The following GCNT2 variants were observed in gnomAD, a reference collection of about 807,000 sequenced individuals.
GCNT2 encodes N-acetyllactosaminide beta-1,6-N-acetylglucosaminyl-transferase.
GCNT2 carries 34 observed loss-of-function variants against 34.2 expected under a neutral mutation model. The observed-to-expected ratio is 1.00, with a 90% CI of 0.76 to 1.32. The LOEUF (loss-of-function observed/expected upper bound fraction) is 1.32, where lower values mean the gene tolerates loss of function less well. GCNT2 is among the 40% of genes most tolerant of loss of function. GCNT2 has a pLI of 0.00. For synonymous variants in GCNT2, 212 were observed against 188.0 expected (o/e 1.13, Z -1.04); for missense variants, 584 against 489.4 (o/e 1.19, Z -1.82).
chr6:10,542,254 T>C (rs556848541), intron 3 of GCNT2, among the ~76,000 whole-genome samples: 1 of 152,344 alleles, frequency 6.6e-6, no homozygotes, highest in South Asian at 2.1e-4. Flanking sequence ...AAAGATTTTC[T>C]AGAAGGCTTG....
rs1765287247 is a variant in GCNT2, at chr6:10,605,863, C to G, written c.926-15488C>G. Among the ~76,000 whole-genome samples, 4 of 152,224 alleles carry G rather than the reference C, an allele frequency of 2.6e-5. No homozygotes were observed. In the South Asian group the frequency reaches 8.3e-4, roughly 32 times the overall value. ...TTTTTTTGTGATTCTTTGAGTTCTT[C>G]TGATCAAGGCCAGCTCCACTAGGGC... On this transcript the variant is annotated intron_variant, in intron 3 of 4. Transcript: ENST00000495262.
intron 3 of GCNT2, among the ~76,000 whole-genome samples, chr6:10,564,418 C>G (rs1763186667): frequency 6.6e-6 from 1 of 152,206 alleles, no homozygotes; most frequent in Non-Finnish European, 1.5e-5. Context: ...CCTTAGCTCT[C>G]CCTACCCTCA....
At chr6:10,598,707 AG>A (rs1764961280) in intron 3 of GCNT2, among the ~76,000 whole-genome samples, 1 of 152,158 alleles carries the variant, frequency 6.6e-6, no homozygotes, top group African/African-American at 2.4e-5. Context: ...CGATGTGCCC[AG>A]GGACGCTGAG....
rs1299019655 is a variant in GCNT2, at chr6:10,523,994, C to A, written c.-469+2577C>A. Among the ~76,000 whole-genome samples, 24 of 105,170 alleles carry A rather than the reference C, an allele frequency of 2.3e-4. No homozygotes were observed. In the East Asian group the frequency reaches 2.3e-3, roughly 10 times the overall value. 69.0% of individuals were successfully genotyped at this position (105,170 alleles called of 152,430 possible). On this transcript the variant is annotated intron_variant, in intron 1 of 4. Coordinates refer to ENST00000495262, the MANE Select transcript of GCNT2 (RefSeq NM_145649.5). ...TCTCAAAAAAAAAAAAAAAAAAAAA[C>A]CAAGACTAAGAGGTGTGGTGATCTG...
chr6:10,586,380 A>C (rs1165090293), intron 3 of GCNT2: 2 of 1,614,066 alleles, frequency 1.2e-6, no homozygotes, highest in Non-Finnish European at 1.7e-6. Flanking sequence ...CGTGGATGAG[A>C]AAGCCCCAGC....
rs398000435 is a variant in GCNT2, at chr6:10,531,894, T to TTTA, written c.925+2058_925+2059insTTA. On this transcript the variant is annotated intron_variant, in intron 3 of 4. Transcript: ENST00000495262. Reference sequence around the variant, plus strand: ...CCCCACTTTTTTTTTTTTTTTTTTTTAGAGAAGACCAAGACAAAGAAAAAG... The same window carrying TTTA: ...CCCCACTTTTTTTTTTTTTTTTTTTTTTAAGAGAAGACCAAGACAAAGAAAAAG... Among the ~76,000 whole-genome samples, 4 of 150,084 alleles carry TTTA rather than the reference T, an allele frequency of 2.7e-5. No individual in the cohort carries two copies. The East Asian group carries it at 5.8e-4, about 22-fold the overall frequency.
chr6:10,585,078 TGC>T (rs61114451), intron 3 of GCNT2, among the ~76,000 whole-genome samples: 1,905 of 87,308 alleles, frequency 0.022, 19 homozygotes, highest in South Asian at 0.042. Context: ...TGTGTGTGTG[TGC>T]GCGCTATATT....
At chr6:10,614,349 G>A (rs1424995115) in intron 3 of GCNT2, among the ~76,000 whole-genome samples, 10 of 152,224 alleles carry the variant, frequency 6.6e-5, no homozygotes, top group South Asian at 2.1e-4. Flanking sequence ...AGAAGAGGCC[G>A]GGCACAGTGG....
rs664949 is a variant in GCNT2 at position 10,547,389 on chromosome 6, T to C, written c.925+17553T>C. ...TGATCAAGAATCTTAAGCTAAACTT[T>C]GGCCATCATATCTCTTTAGTCCCCT... On this transcript the variant is annotated intron_variant, in intron 3 of 4. Coordinates refer to ENST00000495262, the MANE Select transcript of GCNT2 (RefSeq NM_145649.5). 5.2e-3 allele frequency among the ~76,000 whole-genome samples: 796 copies of C among 152,336 alleles called. 6 individuals carry two copies. Among genetic ancestry groups the C allele is most frequent in the African/African-American group, 0.018 (768 of 41,580 alleles).
chr6:10,524,033 C>T (rs1005501986), intron 1 of GCNT2, among the ~76,000 whole-genome samples: 2 of 150,416 alleles, frequency 1.3e-5, no homozygotes, highest in African/African-American at 4.9e-5. Flanking sequence ...AGGAAGGAAG[C>T]CACAGTTGGG....
chr6:10,599,555 GC>G (rs1339204823), intron 3 of GCNT2, among the ~76,000 whole-genome samples: 1 of 152,142 alleles, frequency 6.6e-6, no homozygotes, highest in African/African-American at 2.4e-5. Context: ...TAGACATGAG[GC>G]CATGTACCTT....
chr6:10,551,743 A>AT (rs995321865), intron 3 of GCNT2, among the ~76,000 whole-genome samples: 21 of 144,048 alleles, frequency 1.5e-4, no homozygotes, highest in East Asian at 8.4e-4. Flanking sequence ...GCGCCTGGCT[A>AT]TTTTTTTTTA....
chr6:10,597,080 A>G (rs967777894), intron 3 of GCNT2, among the ~76,000 whole-genome samples: 2 of 151,616 alleles, frequency 1.3e-5, no homozygotes, highest in South Asian at 2.1e-4. Context: ...ACTGAGCCTC[A>G]GTTAATTTTG....
chr6:10,571,337 A>G (rs1347362496), intron 3 of GCNT2, among the ~76,000 whole-genome samples: 1 of 148,694 alleles, frequency 6.7e-6, no homozygotes, highest in East Asian at 1.9e-4. Context: ...GATGATGATC[A>G]TGATAATTAT....
In GCNT2 at chr6:10,556,559, C is replaced by G. The variant is rs1477795863; in HGVS notation, c.925+26723C>G. 1.9e-6 allele frequency: 3 copies of G among 1,614,142 alleles called. No homozygotes were observed. In the South Asian group the frequency reaches 3.3e-5, roughly 18 times the overall value. Reference sequence around the variant, plus strand: ...TATCTCAGACCCTTTGAGGCTGACTCAAGTTTGCACATCTTTTATCAATGG... The same window carrying G: ...TATCTCAGACCCTTTGAGGCTGACTGAAGTTTGCACATCTTTTATCAATGG... On this transcript the variant is annotated intron_variant, in intron 3 of 4. Transcript: ENST00000495262.
chr6:10,556,173 G>GGCTTCA, intron 3 of GCNT2: 1 of 1,373,920 alleles, frequency 7.3e-7, no homozygotes, highest in Non-Finnish European at 9.4e-7. Context: ...GGGAAGGCTG[G>GGCTTCA]GCTTCAGCAA....
rs1765911017 is a variant in GCNT2, at chr6:10,618,918, AGGATT to A, written c.926-2432_926-2428del. On this transcript the variant is annotated intron_variant, in intron 3 of 4. Transcript: ENST00000495262. ...GACTCTTGCCTTATAGAGAGCCCTT[AGGATT>A]TAAGACTCATGCTGTTTACAGGAAA... Among the ~76,000 whole-genome samples the A allele has an allele frequency of 3.3e-5, 5 of 152,348 alleles. No homozygotes were observed. The South Asian group carries it at 1.0e-3, about 32-fold the overall frequency.
Position 10,522,509 on chromosome 6 carries a change from G to A in GCNT2, c.-469+1092G>A, listed in dbSNP as rs1413381493. 3.3e-5 allele frequency among the ~76,000 whole-genome samples: 5 copies of A among 152,150 alleles called. No homozygotes were observed. The East Asian group carries it at 9.6e-4, about 29-fold the overall frequency. ...TAGAGGGTAGTTACCTGTAGGCTGT[G>A]GTTTTCCAGAAGAAATAGGGAGACT... On this transcript the variant is annotated intron_variant, in intron 1 of 4. Transcript: ENST00000495262.
chr6:10,575,883 C>A (rs943901861), intron 3 of GCNT2, among the ~76,000 whole-genome samples: 6 of 152,052 alleles, frequency 3.9e-5, no homozygotes, highest in Non-Finnish European at 5.9e-5. Context: ...GAGAACAAAC[C>A]CCCTTTGACT....
Sources: gnomAD v4.1 joint callset for allele counts (sites outside exome capture counted in the v4.1 genomes callset) on GRCh38, gnomAD v4.1.1 for gene constraint, MANE v1.5 for transcripts, NCBI Gene and HGNC (gene_info 2026-07-23, HGNC 2026-07-21) for gene names.